The following NKAIN1 variants were observed in gnomAD, a reference collection of about 807,000 sequenced individuals.
The protein encoded by NKAIN1 is sodium/potassium-transporting ATPase subunit beta-1-interacting protein 1.
In NKAIN1, 13 loss-of-function variants were observed where a neutral mutation model predicts 31.6. The observed-to-expected ratio is 0.41, with a 90% confidence interval of 0.27 to 0.65. NKAIN1 has a LOEUF of 0.65. NKAIN1 is among the 30% of genes least tolerant of loss of function. The probability of loss-of-function intolerance (pLI) is 0.30; values close to 1 mark genes in which losing one functional copy is unlikely to be tolerated. For synonymous variants in NKAIN1, 104 were observed against 109.0 expected (o/e 0.95, Z 0.28); for missense variants, 193 against 262.2 (o/e 0.74, Z 1.82).
intron 1 of NKAIN1, among the ~76,000 whole-genome samples, chr1:31,227,294 T>C (rs1335215934): frequency 6.6e-6 from 1 of 152,078 alleles, no homozygotes; most frequent in African/African-American, 2.4e-5. Flanking sequence ...CGGAAATGGG[T>C]GTGACAAAGT....
At position 31,183,801 on chromosome 1, in the gene NKAIN1, G is replaced by A. The variant is rs763372010; in HGVS notation, c.471+16C>T. The A allele has an allele frequency of 2.4e-4, 389 of 1,606,040 alleles. No individual in the cohort carries two copies. The highest frequency in any genetic ancestry group is 3.0e-4 in the Non-Finnish European group (347 of 1,175,442). On this transcript the variant is annotated intron_variant, in intron 4 of 6. Coordinates refer to ENST00000373736, the MANE Select transcript of NKAIN1 (RefSeq NM_024522.3). Reference sequence around the variant, plus strand: ...GATCGGGAAGTGTGTGTAGGGTGGGGGACAGAAGGACTTACTGCCAGGAAG... The same window carrying A: ...GATCGGGAAGTGTGTGTAGGGTGGGAGACAGAAGGACTTACTGCCAGGAAG...
chr1:31,201,728 G>A (rs1029188337), intron 1 of NKAIN1, among the ~76,000 whole-genome samples: 17 of 152,180 alleles, frequency 1.1e-4, no homozygotes, highest in Non-Finnish European at 2.2e-4. Context: ...CTAAGGGGAC[G>A]CAGAACGGCT....
At chr1:31,238,624 C>T (rs541424543) in intron 1 of NKAIN1, among the ~76,000 whole-genome samples, 10 of 152,332 alleles carry the variant, frequency 6.6e-5, no homozygotes, top group Non-Finnish European at 1.5e-4. Flanking sequence ...GTTCCCTATG[C>T]TGGGGCTAGG....
At chr1:31,234,219 T>C (rs576990474) in intron 1 of NKAIN1, among the ~76,000 whole-genome samples, 4 of 152,174 alleles carry the variant, frequency 2.6e-5, no homozygotes, top group Non-Finnish European at 5.9e-5. Context: ...CTGCATAATT[T>C]CACGCTCCTG....
chr1:31,197,690 G>T (rs1326959031), intron 1 of NKAIN1, among the ~76,000 whole-genome samples: 1 of 150,976 alleles, frequency 6.6e-6, no homozygotes, highest in Non-Finnish European at 1.5e-5. Flanking sequence ...GGGATTACAG[G>T]CACCTGCCAC....
In NKAIN1 at chr1:31,218,024, C is replaced by CTTTCTTTCTTTCTT. The variant is rs1553163605; in HGVS notation, c.54+21456_54+21469dup. 2.9e-4 allele frequency among the ~76,000 whole-genome samples: 25 copies of CTTTCTTTCTTTCTT among 86,124 alleles called. No homozygotes were observed. In the East Asian group the frequency reaches 3.5e-3, roughly 12 times the overall value. The allele number at this position is 86,124 out of a possible 152,430, so 56.5% of individuals were successfully genotyped here. On this transcript the variant is annotated intron_variant, in intron 1 of 6. Coordinates refer to ENST00000373736, the MANE Select transcript of NKAIN1 (RefSeq NM_024522.3). ...AATCACAGCAGCTACCATTTTCTTT[C>CTTTCTTTCTTTCTT]TTTCTTTCTTTCTTTCTTTCTTTCT...
At chr1:31,219,292 C>T (rs924510034) in intron 1 of NKAIN1, among the ~76,000 whole-genome samples, 4 of 152,252 alleles carry the variant, frequency 2.6e-5, no homozygotes, top group African/African-American at 9.6e-5. Flanking sequence ...GGGTCTCATA[C>T]GCAGGTCTGG....
chr1:31,181,506 T>G lies in NKAIN1; in HGVS notation c.*197A>C. ...CGCCCCACTCCTCCGAAGTCCGGGC[T>G]GCGAAGAGCCAAGCTCAAATCCAAG... On this transcript the variant is annotated 3_prime_UTR_variant, in exon 7 of 7. Coordinates refer to ENST00000373736, the MANE Select transcript of NKAIN1 (RefSeq NM_024522.3). 1 of 452,718 alleles carries G rather than the reference T, an allele frequency of 2.2e-6. No individual in the cohort carries two copies. Among genetic ancestry groups the G allele is most frequent in the East Asian group, 3.6e-5 (1 of 28,100 alleles). 28.0% of individuals were successfully genotyped at this position (452,718 alleles called of 1,614,324 possible). A position where few individuals can be genotyped will look rare whatever the true frequency, so the allele number is the denominator to read the frequency against.
In NKAIN1 at chr1:31,239,007, G is replaced by A. The variant is rs991072454; in HGVS notation, c.54+487C>T. Among the ~76,000 whole-genome samples the A allele has an allele frequency of 6.6e-6, 1 of 152,178 alleles. No homozygotes were observed. Among genetic ancestry groups the A allele is most frequent in the Non-Finnish European group, 1.5e-5 (1 of 68,026 alleles). Reference sequence around the variant, plus strand: ...TAGAGACACACCAAAGAGAAACCCTGAGAGACACACGCCGGAGCAGAGACT... The same window carrying A: ...TAGAGACACACCAAAGAGAAACCCTAAGAGACACACGCCGGAGCAGAGACT... On this transcript the variant is annotated intron_variant, in intron 1 of 6. Transcript: ENST00000373736. The surrounding 1 kb of genome is among the most constrained non-coding windows in gnomAD (Gnocchi z 4.8).
Position 31,182,851 on chromosome 1 carries a change from T to A in NKAIN1, c.472-261A>T, listed in dbSNP as rs143406316. ...CCACTTGGACTTGGGCAATACCTTA[T>A]GGCTTGTTAAGAAGAAAGAGGATTA... On this transcript the variant is annotated intron_variant, in intron 4 of 6. Transcript: ENST00000373736. Among the ~76,000 whole-genome samples the A allele has an allele frequency of 3.5e-3, 536 of 152,314 alleles. 5 individuals are homozygous for A. Among genetic ancestry groups the A allele is most frequent in the African/African-American group, 9.1e-3 (377 of 41,574 alleles).
chr1:31,192,464 G>A (rs968691984), intron 1 of NKAIN1, among the ~76,000 whole-genome samples: 1 of 152,200 alleles, frequency 6.6e-6, no homozygotes, highest in Non-Finnish European at 1.5e-5. Context: ...AGGAGGGGAA[G>A]GAAATCAGTA....
At position 31,226,443 on chromosome 1, in the gene NKAIN1, G is replaced by C. The variant is rs576342392; in HGVS notation, c.54+13051C>G. 4.6e-5 allele frequency among the ~76,000 whole-genome samples: 7 copies of C among 152,230 alleles called. No individual in the cohort carries two copies. The South Asian group carries it at 1.5e-3, about 32-fold the overall frequency. On this transcript the variant is annotated intron_variant, in intron 1 of 6. Coordinates refer to ENST00000373736, the MANE Select transcript of NKAIN1 (RefSeq NM_024522.3). ...AAGTGCTGGGTCTAAGGGACCCTGG[G>C]ACTCCTTGACTCCTCGGTGGCTGGG...
At chr1:31,234,549 G>A (rs1240859302) in intron 1 of NKAIN1, among the ~76,000 whole-genome samples, 1 of 151,704 alleles carries the variant, frequency 6.6e-6, no homozygotes, top group Admixed American at 6.6e-5. Flanking sequence ...CCTGGCCAAG[G>A]AAGCCCTTTC....
rs978638076 is a variant in NKAIN1 at position 31,233,074 on chromosome 1, G to A, written c.54+6420C>T. ...AATGATTCTCTTGCCTCAGCCTCCC[G>A]AGTAGCTGAAATTACAGGTGCCCAC... On this transcript the variant is annotated intron_variant, in intron 1 of 6. Coordinates refer to ENST00000373736, the MANE Select transcript of NKAIN1 (RefSeq NM_024522.3). This position sits in a 1 kb window ranked among gnomAD's most constrained non-coding sequence, Gnocchi z 4.0. 2.0e-5 allele frequency among the ~76,000 whole-genome samples: 3 copies of A among 152,028 alleles called. No individual in the cohort carries two copies. The highest frequency in any genetic ancestry group is 2.9e-5 in the Non-Finnish European group (2 of 68,004).
rs754247113 is a variant in NKAIN1 at position 31,239,168 on chromosome 1, C to G, written c.54+326G>C. On this transcript the variant is annotated intron_variant, in intron 1 of 6. Transcript: ENST00000373736. The surrounding 1 kb of genome is among the most constrained non-coding windows in gnomAD (Gnocchi z 4.8). ...GATCCACAGATCAGCCTCAGACACA[C>G]CCCCAGTCCCAGCAAGCCACCGTCC... Among the ~76,000 whole-genome samples, 4 of 152,180 alleles carry G rather than the reference C, an allele frequency of 2.6e-5. No homozygotes were observed. The highest frequency in any genetic ancestry group is 5.9e-5 in the Non-Finnish European group (4 of 68,042).
In NKAIN1 at chr1:31,202,163, C is replaced by A. The variant is rs556157549; in HGVS notation, c.55-13976G>T. On this transcript the variant is annotated intron_variant, in intron 1 of 6. Coordinates refer to ENST00000373736, the MANE Select transcript of NKAIN1 (RefSeq NM_024522.3). Reference sequence around the variant, plus strand: ...CCTCTGTCTCCATGGTAACCCCATCCCCTCATCTCAGTGACCACTGACCCA... The same window carrying A: ...CCTCTGTCTCCATGGTAACCCCATCACCTCATCTCAGTGACCACTGACCCA... 1.4e-4 allele frequency among the ~76,000 whole-genome samples: 21 copies of A among 152,306 alleles called. No homozygotes were observed. In the East Asian group the frequency reaches 2.5e-3, roughly 18 times the overall value.
intron 1 of NKAIN1, among the ~76,000 whole-genome samples, chr1:31,200,333 A>G (rs1645369989): frequency 6.6e-6 from 1 of 152,242 alleles, no homozygotes; most frequent in Admixed American, 6.5e-5. Flanking sequence ...ATCTCATAAC[A>G]ATAAACAGTT....
In NKAIN1 at chr1:31,206,835, G is replaced by A. The variant is rs544054280; in HGVS notation, c.55-18648C>T. 3.0e-3 allele frequency among the ~76,000 whole-genome samples: 461 copies of A among 152,284 alleles called. 1 individual carries two copies. The highest frequency in any genetic ancestry group is 0.014 in the Middle Eastern group (4 of 294). On this transcript the variant is annotated intron_variant, in intron 1 of 6. Coordinates refer to ENST00000373736, the MANE Select transcript of NKAIN1 (RefSeq NM_024522.3). ...TGCAGCCCCAACCTCTGAGCCTCAA[G>A]AGATCCTCCTACCTCAGCCTCCTGA...
At chr1:31,186,315 T>A (rs1645243182) in intron 2 of NKAIN1, among the ~76,000 whole-genome samples, 2 of 141,282 alleles carry the variant, frequency 1.4e-5, no homozygotes, top group South Asian at 4.7e-4. Flanking sequence ...TAAGCTGAGA[T>A]CATGCCACTG....
Sources: allele counts gnomAD v4.1 joint callset (sites outside exome capture counted in the v4.1 genomes callset), GRCh38; gene constraint gnomAD v4.1.1; non-coding constraint Gnocchi (gnomAD v3.1); transcripts MANE v1.5; gene names NCBI Gene and HGNC (gene_info 2026-07-23, HGNC 2026-07-21).